RXFP1: variants seen among roughly 807,000 people sequenced by gnomAD.
RXFP1 encodes the protein relaxin receptor 1.
Under a neutral mutation model 89.8 loss-of-function variants are expected in RXFP1, and 73 were observed. The observed-to-expected ratio is 0.81, with a 90% CI of 0.67 to 0.99. RXFP1 has a LOEUF of 0.99. Ranked by LOEUF, RXFP1 falls within the 50% of genes least tolerant of loss-of-function variation. The pLI is 0.00. For synonymous variants in RXFP1, 277 were observed against 305.5 expected (o/e 0.91, Z 0.97); for missense variants, 793 against 895.5 (o/e 0.89, Z 1.46).
At chr4:158,568,443 G>C (rs1050545338) in intron 1 of RXFP1, among the ~76,000 whole-genome samples, 2 of 152,212 alleles carry the variant, frequency 1.3e-5, no homozygotes, top group African/African-American at 2.4e-5. Context: ...CTTCAAAGTA[G>C]CTGTAGCTGG....
At chr4:158,594,578 T>C (rs997892717) in intron 3 of RXFP1, among the ~76,000 whole-genome samples, 1 of 152,188 alleles carries the variant, frequency 6.6e-6, no homozygotes, top group African/African-American at 2.4e-5. Context: ...TAAATTATTG[T>C]TGAAGTCTAT....
intron 14 of RXFP1, among the ~76,000 whole-genome samples, chr4:158,641,775 T>A (rs991901819): frequency 3.3e-5 from 5 of 152,274 alleles, no homozygotes; most frequent in Non-Finnish European, 5.9e-5. Context: ...TCAATTTGCA[T>A]ATTTAGTAGA....
intron 1 of RXFP1, among the ~76,000 whole-genome samples, chr4:158,550,220 C>T (rs781387556): frequency 6.8e-4 from 103 of 152,308 alleles, no homozygotes; most frequent in Non-Finnish European, 1.3e-3. Flanking sequence ...TAGCAATCAG[C>T]GAGACTCCGT....
At chr4:158,528,543 A>T (rs981750151) in intron 1 of RXFP1, among the ~76,000 whole-genome samples, 1 of 152,130 alleles carries the variant, frequency 6.6e-6, no homozygotes, top group Non-Finnish European at 1.5e-5. Context: ...GTCAACACCA[A>T]GTGGATGTCT....
chr4:158,591,905 G>T lies in RXFP1; in HGVS notation c.188-1496G>T, dbSNP rs115921473. ...TAGCATTCAGGAAAAAATTTAGAAGGTCTAGAGAAGATCACATACCAACCC... is the reference window on the plus strand; with the variant it reads ...TAGCATTCAGGAAAAAATTTAGAAGTTCTAGAGAAGATCACATACCAACCC... On this transcript the variant is annotated intron_variant, in intron 2 of 17. Coordinates refer to ENST00000307765, the MANE Select transcript of RXFP1 (RefSeq NM_021634.4). 9.6e-3 allele frequency among the ~76,000 whole-genome samples: 1,468 copies of T among 152,186 alleles called. 25 individuals carry two copies. The highest frequency in any genetic ancestry group is 0.034 in the African/African-American group (1,399 of 41,528).
chr4:158,539,909 A>T (rs1030324811), intron 1 of RXFP1, among the ~76,000 whole-genome samples: 7 of 152,230 alleles, frequency 4.6e-5, no homozygotes, highest in African/African-American at 1.7e-4. Flanking sequence ...AGTGGAATGA[A>T]GTATCTGGAA....
At chr4:158,523,989 C>T (rs1741830557) in intron 1 of RXFP1, among the ~76,000 whole-genome samples, 1 of 152,214 alleles carries the variant, frequency 6.6e-6, no homozygotes, top group Admixed American at 6.5e-5. Context: ...AGACGCTTAG[C>T]TGCACTACCA....
At chr4:158,580,121 G>A (rs1757050940) in intron 2 of RXFP1, among the ~76,000 whole-genome samples, 1 of 152,160 alleles carries the variant, frequency 6.6e-6, no homozygotes, top group African/African-American at 2.4e-5. Context: ...GCAGTGCAGG[G>A]TGAGCAGCTT....
In RXFP1 at chr4:158,531,762, A is replaced by G. The variant is rs1396202669; in HGVS notation, c.49+9737A>G. The stretch of plus-strand genomic sequence containing the variant: ...TACAGACCAGAAACCTCATATGTGT[A>G]AAAATTATATTTTATATTTCTATGA... On this transcript the variant is annotated intron_variant, in intron 1 of 17. Coordinates refer to ENST00000307765, the MANE Select transcript of RXFP1 (RefSeq NM_021634.4). 2.0e-5 allele frequency among the ~76,000 whole-genome samples: 3 copies of G among 152,220 alleles called. No individual in the cohort carries two copies. In the East Asian group the frequency reaches 5.8e-4, roughly 29 times the overall value.
intron 1 of RXFP1, among the ~76,000 whole-genome samples, chr4:158,535,753 C>A (rs892800764): frequency 2.6e-5 from 4 of 152,238 alleles, no homozygotes; most frequent in Non-Finnish European, 5.9e-5. Context: ...TTGTTGAATA[C>A]CCTGACTGTG....
At chr4:158,604,499 A>G (rs1461806889) in intron 4 of RXFP1, among the ~76,000 whole-genome samples, 1 of 152,186 alleles carries the variant, frequency 6.6e-6, no homozygotes, top group Non-Finnish European at 1.5e-5. Flanking sequence ...AATTATGTGG[A>G]TCTGGTCTGT....
chr4:158,647,887 G>A (rs186994159), intron 16 of RXFP1, among the ~76,000 whole-genome samples: 14 of 152,152 alleles, frequency 9.2e-5, no homozygotes, highest in South Asian at 2.1e-4. Context: ...ATGGTGGCAC[G>A]CACCTGTAGT....
chr4:158,636,083 T>G (rs966014757), intron 12 of RXFP1, among the ~76,000 whole-genome samples: 30 of 152,086 alleles, frequency 2.0e-4, no homozygotes, highest in African/African-American at 7.0e-4. Context: ...ATTCTGAAAT[T>G]TTCTCCATTT....
rs143520148 is a variant in RXFP1, at chr4:158,639,445, A to G, written c.1115+114A>G. The G allele has an allele frequency of 1.4e-4, 90 of 655,958 alleles. No individual in the cohort carries two copies. In the African/African-American group the frequency reaches 1.6e-3, roughly 12 times the overall value. The allele number at this position is 655,958 out of a possible 1,614,324, so 40.6% of individuals were successfully genotyped here. A position where few individuals can be genotyped will look rare whatever the true frequency, so the allele number is the denominator to read the frequency against. On this transcript the variant is annotated intron_variant, in intron 14 of 17. Coordinates refer to ENST00000307765, the MANE Select transcript of RXFP1 (RefSeq NM_021634.4). ...CTACTAATTTGCCAGCTATAAACTG[A>G]AAGTTTGTGTTCCTCCAAAATGTAT...
chr4:158,526,728 G>T (rs1742587989), intron 1 of RXFP1, among the ~76,000 whole-genome samples: 1 of 151,540 alleles, frequency 6.6e-6, no homozygotes, highest in Admixed American at 6.6e-5. Context: ...AAATTAACTG[G>T]GTCTCCTTAT....
intron 12 of RXFP1, 115 bp from the exon 13 acceptor site, chr4:158,637,893 G>C: frequency 1.5e-6 from 1 of 663,728 alleles, no homozygotes; most frequent in Non-Finnish European, 2.7e-6. Context: ...TCCATTACGA[G>C]TTATTGTATA....
chr4:158,596,659 C>CCATT (rs1238048442), intron 3 of RXFP1, among the ~76,000 whole-genome samples: 1 of 152,164 alleles, frequency 6.6e-6, no homozygotes, highest in Non-Finnish European at 1.5e-5. Context: ...AAGCCTTAAA[C>CCATT]CATTCACATG....
At chr4:158,623,187 A>G (rs1294398706) in intron 9 of RXFP1, among the ~76,000 whole-genome samples, 2 of 152,130 alleles carry the variant, frequency 1.3e-5, no homozygotes, top group Non-Finnish European at 2.9e-5. Context: ...ATGTAGACAT[A>G]CATAAGCAGT....
intron 8 of RXFP1, among the ~76,000 whole-genome samples, chr4:158,616,909 A>T (rs1210865868): frequency 6.6e-6 from 1 of 151,556 alleles, no homozygotes; most frequent in Non-Finnish European, 1.5e-5. Flanking sequence ...CGAGGCAGGA[A>T]AATCACTTGA....
Sources: allele counts gnomAD v4.1 joint callset (sites outside exome capture counted in the v4.1 genomes callset), GRCh38; gene constraint gnomAD v4.1.1; transcripts MANE v1.5; gene names NCBI Gene and HGNC (gene_info 2026-07-23, HGNC 2026-07-21).